The following GNA12 variants were observed in gnomAD, a reference collection of about 807,000 sequenced individuals.
The protein encoded by GNA12 is G protein subunit alpha 12.
Under a neutral mutation model 26.0 loss-of-function variants are expected in GNA12, and 9 were observed. The observed-to-expected ratio is 0.35, with a 90% confidence interval of 0.21 to 0.60. GNA12 has a LOEUF of 0.60. Among genes scored for constraint, GNA12 ranks in the 20% least tolerant of loss-of-function variants. The probability of loss-of-function intolerance (pLI) is 0.78; values close to 1 mark genes in which losing one functional copy is unlikely to be tolerated. For missense variants in GNA12, 405 were observed against 525.8 expected (o/e 0.77, Z 2.25); for synonymous variants, 264 against 219.6 (o/e 1.20, Z -1.79).
In GNA12 at chr7:2,729,317, C is replaced by T. The variant is rs1038772106; in HGVS notation, c.*1864G>A. The T allele has an allele frequency of 4.6e-5, 7 of 152,406 alleles. No individual in the cohort carries two copies. The highest frequency in any genetic ancestry group is 1.7e-4 in the African/African-American group (7 of 41,468). 9.4% of individuals were successfully genotyped at this position (152,406 alleles called of 1,614,324 possible). A position where few individuals can be genotyped will look rare whatever the true frequency, so the allele number is the denominator to read the frequency against. ...CTGCAAATGGGACCTGAGACCACCCCGAGGGCCCCACCAGGAGCTCTCTTT... is the reference window on the plus strand; with the variant it reads ...CTGCAAATGGGACCTGAGACCACCCTGAGGGCCCCACCAGGAGCTCTCTTT... On this transcript the variant is annotated 3_prime_UTR_variant, in exon 4 of 4. Transcript: ENST00000275364.
At chr7:2,821,626 C>A (rs1467535104) in intron 1 of GNA12, among the ~76,000 whole-genome samples, 2 of 152,192 alleles carry the variant, frequency 1.3e-5, no homozygotes, top group Non-Finnish European at 2.9e-5. Context: ...GAAACTCCTG[C>A]AGTTATTCTA....
chr7:2,764,329 C>T (rs1006300010), intron 2 of GNA12, among the ~76,000 whole-genome samples: 1 of 151,860 alleles, frequency 6.6e-6, no homozygotes, highest in Non-Finnish European at 1.5e-5. Flanking sequence ...GTGATCCTCC[C>T]ATCTCAGCCT....
chr7:2,843,806 G>T (rs1779084687), intron 1 of GNA12, 47 bp downstream of exon 1: 1 of 1,151,940 alleles, frequency 8.7e-7, no homozygotes, highest in Non-Finnish European at 1.2e-6. Flanking sequence ...GGGGGTTAGC[G>T]CCCCGGCCCA....
intron 1 of GNA12, among the ~76,000 whole-genome samples, chr7:2,797,317 A>T (rs530194389): frequency 7.9e-5 from 12 of 152,214 alleles, no homozygotes; most frequent in Middle Eastern, 3.4e-3. Context: ...GCTAATTTTA[A>T]GATTTTCGTA....
chr7:2,797,790 G>A (rs1360876779), intron 1 of GNA12, among the ~76,000 whole-genome samples: 6 of 152,158 alleles, frequency 3.9e-5, no homozygotes, highest in South Asian at 2.1e-4. Context: ...TCTGTCTGCC[G>A]TTGGAGACCA....
At position 2,729,053 on chromosome 7, in the gene GNA12, A is replaced by G. The variant is rs1789751959; in HGVS notation, c.*2128T>C. 6.6e-6 allele frequency: 1 copy of G among 152,336 alleles called. No individual in the cohort carries two copies. The highest frequency in any genetic ancestry group is 1.5e-5 in the Non-Finnish European group (1 of 68,034). 9.4% of individuals were successfully genotyped at this position (152,336 alleles called of 1,614,324 possible). On this transcript the variant is annotated 3_prime_UTR_variant, in exon 4 of 4. Transcript: ENST00000275364. ...TCAGACTGTTTAAAGGAAAACAAGC[A>G]CTCATTGACAAGGCCGGACTACTCA...
At chr7:2,826,126 C>T (rs1793479551) in intron 1 of GNA12, among the ~76,000 whole-genome samples, 1 of 151,982 alleles carries the variant, frequency 6.6e-6, no homozygotes, top group South Asian at 2.1e-4. Flanking sequence ...CACCTGTAAT[C>T]CTAGCACTTT....
chr7:2,808,333 G>A (rs149214692), intron 1 of GNA12, among the ~76,000 whole-genome samples: 47 of 152,336 alleles, frequency 3.1e-4, no homozygotes, highest in African/African-American at 9.4e-4. Flanking sequence ...CCCAGGCCCT[G>A]CTACCATGCT....
chr7:2,746,696 C>CA (rs1790778783), intron 2 of GNA12, among the ~76,000 whole-genome samples: 1 of 151,878 alleles, frequency 6.6e-6, no homozygotes. Flanking sequence ...AATAGAGACA[C>CA]AAAAAACCCT....
At chr7:2,825,024 C>T (rs1429355624) in intron 1 of GNA12, among the ~76,000 whole-genome samples, 2 of 152,188 alleles carry the variant, frequency 1.3e-5, no homozygotes, top group Non-Finnish European at 2.9e-5. Context: ...ACCTGGCTTG[C>T]CTCCTCCTAG....
intron 1 of GNA12, among the ~76,000 whole-genome samples, chr7:2,804,249 G>A (rs1273376013): frequency 6.6e-6 from 1 of 152,228 alleles, no homozygotes; most frequent in Non-Finnish European, 1.5e-5. Context: ...AAATCATTTA[G>A]TAGGCATTTT....
intron 1 of GNA12, among the ~76,000 whole-genome samples, chr7:2,842,564 C>T (rs1213703859): frequency 6.6e-6 from 1 of 152,202 alleles, no homozygotes; most frequent in Non-Finnish European, 1.5e-5. Context: ...TCCCAAAGTG[C>T]AGGGATTACA....
At chr7:2,835,878 GT>G in intron 1 of GNA12, 1 of 571,958 alleles carries the variant, frequency 1.7e-6, no homozygotes, top group South Asian at 1.7e-5. Flanking sequence ...CACAGGAAAT[GT>G]TAGAAGCAGC....
At chr7:2,815,302 G>C (rs1388224764) in intron 1 of GNA12, 1 of 215,228 alleles carries the variant, frequency 4.6e-6, no homozygotes, top group East Asian at 1.4e-4. Flanking sequence ...GCATTTACAA[G>C]ACCTTAAGGA....
intron 2 of GNA12, among the ~76,000 whole-genome samples, chr7:2,783,104 C>T (rs530823508): frequency 1.9e-4 from 29 of 152,286 alleles, no homozygotes; most frequent in South Asian, 2.1e-4. Flanking sequence ...CTGACCCCAC[C>T]GTCTGCTGCA....
chr7:2,842,718 G>A (rs1169990428), intron 1 of GNA12, among the ~76,000 whole-genome samples: 1 of 152,206 alleles, frequency 6.6e-6, no homozygotes, highest in Non-Finnish European at 1.5e-5. Flanking sequence ...CACAATGGAG[G>A]AATTCTGAAC....
intron 1 of GNA12, among the ~76,000 whole-genome samples, chr7:2,820,371 G>A (rs1166303960): frequency 6.8e-6 from 1 of 147,446 alleles, no homozygotes; most frequent in Non-Finnish European, 1.5e-5. Context: ...TGAGGGCATG[G>A]TATGATATGT....
At chr7:2,767,851 ATATTTTATTT>A (rs1554258640) in intron 2 of GNA12, among the ~76,000 whole-genome samples, 1 of 152,114 alleles carries the variant, frequency 6.6e-6, no homozygotes. Flanking sequence ...AATGGAGACT[ATATTTTATTT>A]TATTTTAGTT....
chr7:2,776,006 G>T (rs968481262), intron 2 of GNA12, among the ~76,000 whole-genome samples: 4 of 152,238 alleles, frequency 2.6e-5, no homozygotes, highest in African/African-American at 9.6e-5. Flanking sequence ...GGAAGGCCCT[G>T]GACACAGCTG....
Sources: allele counts gnomAD v4.1 joint callset (sites outside exome capture counted in the v4.1 genomes callset), GRCh38; gene constraint gnomAD v4.1.1; transcripts MANE v1.5; gene names NCBI Gene and HGNC (gene_info 2026-07-23, HGNC 2026-07-21).